The following SLCO1A2 variants were observed in gnomAD, a reference collection of about 807,000 sequenced individuals.
SLCO1A2 encodes OATP-1.
In SLCO1A2, 67 loss-of-function variants were observed where a neutral mutation model predicts 69.0. The ratio of observed to expected loss-of-function variants is 0.97; its 90% confidence interval spans 0.80 to 1.19. The LOEUF (loss-of-function observed/expected upper bound fraction) is 1.19. Ranked by LOEUF, SLCO1A2 falls within the 50% of genes most tolerant of loss-of-function variation. SLCO1A2 has a pLI of 0.00. For missense variants in SLCO1A2, 787 were observed against 793.7 expected, an observed-to-expected ratio of 0.99 and a Z score of 0.10; for synonymous variants, 260 against 265.9, an observed-to-expected ratio of 0.98 and a Z score of 0.22.
At position 21,295,748 on chromosome 12, in the gene SLCO1A2, C is replaced by G. The variant is rs1334202919; in HGVS notation, c.1120G>C (p.Gly374Arg). Residue 374 changes from glycine to arginine, a missense_variant, in exon 10 of 15, where the codon GGT (glycine) becomes CGT (arginine). Physicochemically the swap from Gly to Arg is moderately radical, Grantham distance 125. Coordinates refer to ENST00000683939, the MANE Select transcript of SLCO1A2 (RefSeq NM_001386879.1). The stretch of plus-strand genomic sequence containing the variant: ...ATCTTGAACTTCTTCATAATTAAAC[C>G]ACCAATTATATATCCAATACATATT... ...PPICIGYIIGGLIMKKFKITV... is the reference protein window; with the variant it reads ...PPICIGYIIGRLIMKKFKITV... 6.2e-7 allele frequency: 1 copy of G among 1,600,676 alleles called. No homozygotes were observed. Among genetic ancestry groups the G allele is most frequent in the East Asian group, 2.2e-5 (1 of 44,668 alleles).
Position 21,292,252 on chromosome 12 carries a change from A to C in SLCO1A2, c.1522T>G (p.Leu508Val). Residue 508 changes from leucine to valine, a missense_variant, in exon 12 of 15, where the codon TTG becomes GTG. Physicochemically the swap from Leu to Val is conservative, Grantham distance 32 (BLOSUM62 1). Transcript: ENST00000683939. ...AAGATTAGGAAGTACTGGAGCATCA[A>C]GGAACAGTCAGGTCCTTTGTCGCAC... is the stretch of plus-strand genomic sequence containing the variant. ...GLCDKGPDCS[L>V]MLQYFLILSA... 2 of 1,613,274 alleles carry C rather than the reference A, an allele frequency of 1.2e-6. No individual in the cohort carries two copies. Among genetic ancestry groups the C allele is most frequent in the Non-Finnish European group, 1.7e-6 (2 of 1,179,392 alleles).
intron 1 of SLCO1A2, among the ~76,000 whole-genome samples, chr12:21,390,355 A>G (rs1473885221): frequency 6.6e-6 from 1 of 152,128 alleles, no homozygotes; most frequent in Non-Finnish European, 1.5e-5. Context: ...AACAGTGTCT[A>G]ATGTCCACAA....
In SLCO1A2 at chr12:21,293,992, C is replaced by G. The variant is rs762478839; in HGVS notation, c.1390G>C (p.Ala464Pro). The stretch of plus-strand genomic sequence containing the variant: ...GATGTCTCACAACCAGCAAGACAAG[C>G]TGACAGATATGACAAGCCATTGTTT... ...CGNNGLSYLS[A>P]CLAGCETSIG... is the part of the protein sequence containing the mutation. The change falls in exon 11 of 15, where the codon GCT (alanine) becomes CCT (proline). Residue 464 changes from alanine to proline, a missense_variant. Transcript: ENST00000683939. 1.9e-6 allele frequency: 3 copies of G among 1,612,724 alleles called. No individual in the cohort carries two copies. The highest frequency in any genetic ancestry group is 1.7e-4 in the Middle Eastern group (1 of 6,058).
intron 2 of SLCO1A2, among the ~76,000 whole-genome samples, chr12:21,363,022 A>T (rs1331737073): frequency 6.6e-6 from 1 of 152,148 alleles, no homozygotes; most frequent in Non-Finnish European, 1.5e-5. Flanking sequence ...CAGGAATTAA[A>T]CTCAGCTCTG....
chr12:21,287,682 T>TA (rs1461581155), intron 12 of SLCO1A2, among the ~76,000 whole-genome samples: 1 of 122,838 alleles, frequency 8.1e-6, no homozygotes, highest in Non-Finnish European at 1.7e-5. Context: ...TATGCAGCCA[T>TA]AAAAAATGAT....
At chr12:21,319,557 A>G (rs1167458566) in intron 2 of SLCO1A2, 1 of 1,008,390 alleles carries the variant, frequency 9.9e-7, no homozygotes, top group Non-Finnish European at 1.4e-6. Flanking sequence ...AGCCCAGGAC[A>G]GAGTATTTTC....
At chr12:21,279,012 A>T (rs1944350043) in intron 12 of SLCO1A2, among the ~76,000 whole-genome samples, 2 of 152,072 alleles carry the variant, frequency 1.3e-5, no homozygotes, top group South Asian at 4.1e-4. Flanking sequence ...GTTGACATAA[A>T]TAAAAAGAAT....
chr12:21,393,429 T>A (rs1941259331), intron 1 of SLCO1A2, among the ~76,000 whole-genome samples: 1 of 152,188 alleles, frequency 6.6e-6, no homozygotes, highest in South Asian at 2.1e-4. Context: ...AAACAACCAT[T>A]TTCAATTGTG....
At chr12:21,386,130 G>A (rs1204478411) in intron 1 of SLCO1A2, among the ~76,000 whole-genome samples, 2 of 152,084 alleles carry the variant, frequency 1.3e-5, no homozygotes, top group East Asian at 3.9e-4. Context: ...AAAGTCAATA[G>A]GATACTGAAA....
intron 2 of SLCO1A2, among the ~76,000 whole-genome samples, chr12:21,361,353 G>A (rs921520250): frequency 2.0e-5 from 3 of 152,064 alleles, no homozygotes; most frequent in African/African-American, 7.2e-5. Context: ...CTAACAAACA[G>A]AAAGGACATC....
intron 2 of SLCO1A2, among the ~76,000 whole-genome samples, chr12:21,354,230 C>T (rs113808406): frequency 7.9e-5 from 12 of 152,274 alleles, no homozygotes; most frequent in African/African-American, 2.2e-4. Flanking sequence ...GACACTGTGC[C>T]GACAATTATA....
chr12:21,275,620 C>CTT (rs1409502062), intron 12 of SLCO1A2, among the ~76,000 whole-genome samples, 196 bp from the exon 13 acceptor site: 2 of 152,118 alleles, frequency 1.3e-5, no homozygotes, highest in Non-Finnish European at 2.9e-5. Flanking sequence ...GTCACTGGCA[C>CTT]TTTACTCATC....
chr12:21,362,777 C>G (rs567087455), intron 2 of SLCO1A2, among the ~76,000 whole-genome samples: 1 of 152,048 alleles, frequency 6.6e-6, no homozygotes, highest in Non-Finnish European at 1.5e-5. Context: ...GACTTTAAAC[C>G]AATAAAGATC....
chr12:21,384,015 A>C (rs1186943617), intron 1 of SLCO1A2, among the ~76,000 whole-genome samples: 5 of 152,218 alleles, frequency 3.3e-5, no homozygotes, highest in African/African-American at 9.6e-5. Context: ...TCCCTTTGTA[A>C]AACGGATAGT....
chr12:21,333,626 A>G (rs1208647339), intron 2 of SLCO1A2, among the ~76,000 whole-genome samples: 1 of 152,088 alleles, frequency 6.6e-6, no homozygotes, highest in East Asian at 1.9e-4. Context: ...GCAATCAAAA[A>G]TTAAAGACCT....
At chr12:21,414,020 C>CTA (rs1255272731) in intron 1 of SLCO1A2, among the ~76,000 whole-genome samples, 1 of 152,094 alleles carries the variant, frequency 6.6e-6, no homozygotes, top group Non-Finnish European at 1.5e-5. Flanking sequence ...AATTAGTTAC[C>CTA]TATAGATTTA....
At chr12:21,416,651 A>G (rs1249565570) in intron 1 of SLCO1A2, among the ~76,000 whole-genome samples, 1 of 152,016 alleles carries the variant, frequency 6.6e-6, no homozygotes, top group Non-Finnish European at 1.5e-5. Flanking sequence ...GACATCGGAC[A>G]GGCTAAAGGG....
intron 1 of SLCO1A2, among the ~76,000 whole-genome samples, chr12:21,374,795 TTTTTTA>T (rs1482744651): frequency 6.6e-6 from 1 of 151,466 alleles, no homozygotes; most frequent in African/African-American, 2.4e-5. Context: ...ACCCTCTCTT[TTTTTTA>T]TTTTATTTTG....
At position 21,413,098 on chromosome 12, in the gene SLCO1A2, A is replaced by AT. The variant is rs542661628; in HGVS notation, c.-312+4783dup. On this transcript the variant is annotated intron_variant, in intron 1 of 4. Coordinates refer to the SLCO1A2 transcript ENST00000413682. ...TGCCTCTTAATTTTATTTTTGTATT[A>AT]TTTTTTTTGATTTTGGTATATATGT... Among the ~76,000 whole-genome samples, 96 of 148,566 alleles carry AT rather than the reference A, an allele frequency of 6.5e-4. No individual in the cohort carries two copies. The Middle Eastern group carries it at 0.028, about 43-fold the overall frequency.
Sources: gnomAD v4.1 joint callset for allele counts (sites outside exome capture counted in the v4.1 genomes callset) on GRCh38, gnomAD v4.1.1 for gene constraint, MANE v1.5 for transcripts, NCBI Gene and HGNC (gene_info 2026-07-23, HGNC 2026-07-21) for gene names.